ANP32A: variants seen among roughly 807,000 people sequenced by gnomAD.
The protein encoded by ANP32A is acidic leucine-rich nuclear phosphoprotein 32 family member A.
ANP32A carries 1 observed loss-of-function variant against 33.9 expected under a neutral mutation model. That is an observed-to-expected ratio of 0.03 (90% CI 0.01 to 0.14). The LOEUF is 0.14. Ranked by LOEUF, ANP32A falls within the 10% of genes least tolerant of loss-of-function variation. ANP32A has a pLI of 1.00. For missense variants in ANP32A, 155 were observed against 306.0 expected (o/e 0.51, Z 3.68); for synonymous variants, 115 against 120.5 (o/e 0.95, Z 0.30).
intron 1 of ANP32A, among the ~76,000 whole-genome samples, chr15:68,809,101 C>T (rs1452888226): frequency 4.6e-5 from 7 of 152,188 alleles, no homozygotes. Context: ...CGGGGGTTTA[C>T]CTCTGTGGGA....
chr15:68,798,559 AC>A (rs780701761), intron 1 of ANP32A, among the ~76,000 whole-genome samples: 1 of 152,232 alleles, frequency 6.6e-6, no homozygotes, highest in African/African-American at 2.4e-5. Flanking sequence ...CTACACAGTT[AC>A]CCCACTGTAG....
chr15:68,816,513 ATTG>A (rs1894384039), intron 1 of ANP32A, among the ~76,000 whole-genome samples: 1 of 152,222 alleles, frequency 6.6e-6, no homozygotes, highest in Non-Finnish European at 1.5e-5. Context: ...ACTAGCTAAT[ATTG>A]TTATTATCCT....
chr15:68,779,994 G>A lies in ANP32A; in HGVS notation c.*87C>T. ...ACAATCAGAAAAAAATAAGTTTCAGGGGGCAGGATTGGAGGGGGGGGGGAG... is the reference window on the plus strand; with the variant it reads ...ACAATCAGAAAAAAATAAGTTTCAGAGGGCAGGATTGGAGGGGGGGGGGAG... On this transcript the variant is annotated 3_prime_UTR_variant, in exon 7 of 7. Transcript: ENST00000465139. The A allele has an allele frequency of 7.9e-7, 1 of 1,264,592 alleles. No homozygotes were observed. The highest frequency in any genetic ancestry group is 1.5e-5 in the African/African-American group (1 of 66,180). 78.3% of individuals were successfully genotyped at this position (1,264,592 alleles called of 1,614,324 possible).
chr15:68,788,017 A>T, intron 1 of ANP32A, 98 bp from the exon 2 acceptor site: 1 of 1,433,230 alleles, frequency 7.0e-7, no homozygotes. Context: ...AGACAGACGC[A>T]GGAAGCAGTC....
intron 3 of ANP32A, 98 bp downstream of exon 3, chr15:68,787,315 A>T: frequency 1.3e-6 from 2 of 1,549,924 alleles, no homozygotes; most frequent in Non-Finnish European, 1.8e-6. Context: ...AGTCAAAAAA[A>T]TTAAGTGGGA....
At chr15:68,804,504 T>C (rs1178739002) in intron 1 of ANP32A, among the ~76,000 whole-genome samples, 4 of 152,230 alleles carry the variant, frequency 2.6e-5, no homozygotes, top group Admixed American at 2.6e-4. Context: ...TAAAAAGATA[T>C]TACTTTTTCT....
At chr15:68,800,290 AT>A (rs1360129348) in intron 1 of ANP32A, among the ~76,000 whole-genome samples, 1 of 152,184 alleles carries the variant, frequency 6.6e-6, no homozygotes, top group Non-Finnish European at 1.5e-5. Flanking sequence ...TATTTACTAC[AT>A]GCCATGCCAG....
intron 1 of ANP32A, among the ~76,000 whole-genome samples, chr15:68,802,433 T>C (rs1894149359): frequency 6.6e-6 from 1 of 152,220 alleles, no homozygotes; most frequent in South Asian, 2.1e-4. Context: ...ACCCTCTTCG[T>C]TTCTTCTTTG....
chr15:68,795,599 G>C (rs928460770), intron 1 of ANP32A, among the ~76,000 whole-genome samples: 1 of 152,214 alleles, frequency 6.6e-6, no homozygotes, highest in Non-Finnish European at 1.5e-5. Context: ...TTGGGTTTCT[G>C]CTTCACCAAA....
intron 1 of ANP32A, among the ~76,000 whole-genome samples, chr15:68,808,671 C>A (rs1894271716): frequency 6.6e-6 from 1 of 152,108 alleles, no homozygotes; most frequent in Admixed American, 6.5e-5. Flanking sequence ...AAGATGAGTC[C>A]CTCCTCCAGA....
intron 1 of ANP32A, chr15:68,801,749 C>CG (rs1894139321): frequency 6.5e-6 from 1 of 154,660 alleles, no homozygotes; most frequent in Admixed American, 6.5e-5. Flanking sequence ...AACTGTAGCA[C>CG]TTTGCCAGAA....
chr15:68,820,783 C>T lies in ANP32A; in HGVS notation c.-32G>A. 1.2e-6 allele frequency: 2 copies of T among 1,613,888 alleles called. No individual in the cohort carries two copies. The highest frequency in any genetic ancestry group is 2.2e-5 in the South Asian group (2 of 91,076). On this transcript the variant is annotated 5_prime_UTR_variant, in exon 1 of 7. Transcript: ENST00000465139. ...CGCTCTCTCTCTGCAGAGGCTCCCG[C>T]GCCGGCGGAATTCAATCAATAAACC...
At chr15:68,818,513 A>C (rs969008162) in intron 1 of ANP32A, among the ~76,000 whole-genome samples, 1 of 142,162 alleles carries the variant, frequency 7.0e-6, no homozygotes, top group Non-Finnish European at 1.5e-5. Flanking sequence ...CCCGCGCCCC[A>C]CCCCGCCTCC....
At chr15:68,787,208 G>T in intron 3 of ANP32A, 1 of 654,416 alleles carries the variant, frequency 1.5e-6, no homozygotes, top group Non-Finnish European at 2.5e-6. Context: ...CATTCTGTCT[G>T]TGACCTTGGT....
intron 2 of ANP32A, 97 bp from the exon 3 acceptor site, chr15:68,787,632 A>G (rs1208008034): frequency 1.9e-6 from 3 of 1,600,102 alleles, no homozygotes. Context: ...CAAGAAGGGA[A>G]AGCAGTCTCA....
intron 1 of ANP32A, among the ~76,000 whole-genome samples, chr15:68,812,707 CA>C (rs1894329177): frequency 6.6e-6 from 1 of 152,142 alleles, no homozygotes; most frequent in South Asian, 2.1e-4. Flanking sequence ...AGGTCCAAGC[CA>C]GTCAGTTTTC....
chr15:68,781,915 A>G (rs1029347144), intron 5 of ANP32A, among the ~76,000 whole-genome samples: 4 of 152,062 alleles, frequency 2.6e-5, no homozygotes, highest in Admixed American at 1.3e-4. Flanking sequence ...CCGCGATTCT[A>G]TTGTCATTGG....
intron 5 of ANP32A, among the ~76,000 whole-genome samples, chr15:68,782,127 T>G (rs539431137): frequency 6.6e-6 from 1 of 152,064 alleles, no homozygotes; most frequent in African/African-American, 2.4e-5. Context: ...TTAGCAAGAG[T>G]TGATTTAGAA....
At chr15:68,804,677 A>T (rs1208155549) in intron 1 of ANP32A, among the ~76,000 whole-genome samples, 2 of 151,810 alleles carry the variant, frequency 1.3e-5, no homozygotes, top group Admixed American at 1.3e-4. Flanking sequence ...CACCACGCCC[A>T]ATTAATTTTT....
Sources: gnomAD v4.1 joint callset for allele counts (sites outside exome capture counted in the v4.1 genomes callset) on GRCh38, gnomAD v4.1.1 for gene constraint, MANE v1.5 for transcripts, NCBI Gene and HGNC (gene_info 2026-07-23, HGNC 2026-07-21) for gene names.